The following TBC1D8 variants were observed in gnomAD, a reference collection of about 807,000 sequenced individuals.
TBC1D8 encodes the protein BUB2-like protein 1.
In TBC1D8, 65 loss-of-function variants were observed where a neutral mutation model predicts 118.8. The ratio of observed to expected loss-of-function variants is 0.55; its 90% CI spans 0.45 to 0.67. The LOEUF is 0.67. Among genes scored for constraint, TBC1D8 ranks in the 30% least tolerant of loss-of-function variants. The pLI is 0.00. For synonymous variants in TBC1D8, 566 were observed against 595.8 expected, an observed-to-expected ratio of 0.95 and a Z score of 0.73; for missense variants, 1,376 against 1,471.2, an observed-to-expected ratio of 0.94 and a Z score of 1.06.
At chr2:101,123,389 T>C (rs759892382) in intron 1 of TBC1D8, among the ~76,000 whole-genome samples, 1 of 152,160 alleles carries the variant, frequency 6.6e-6, no homozygotes, top group East Asian at 1.9e-4. Context: ...TTGTACATAG[T>C]GCAAATTAGC....
intron 1 of TBC1D8, among the ~76,000 whole-genome samples, chr2:101,098,929 A>G (rs1455819200): frequency 6.6e-6 from 1 of 152,094 alleles, no homozygotes; most frequent in East Asian, 1.9e-4. Context: ...TCAAATCAAT[A>G]CCCTAACATC....
At chr2:101,030,343 A>T (rs923129656) in intron 11 of TBC1D8, among the ~76,000 whole-genome samples, 1 of 152,228 alleles carries the variant, frequency 6.6e-6, no homozygotes, top group Admixed American at 6.5e-5. Context: ...GTAACAACCA[A>T]CCTTTTTTAA....
chr2:101,091,399 A>G (rs1676023969), intron 1 of TBC1D8, among the ~76,000 whole-genome samples: 1 of 152,124 alleles, frequency 6.6e-6, no homozygotes, highest in Non-Finnish European at 1.5e-5. Flanking sequence ...AATCAATGGC[A>G]GGCAAAACAA....
intron 1 of TBC1D8, among the ~76,000 whole-genome samples, chr2:101,096,506 A>G (rs1035558529): frequency 6.6e-6 from 1 of 151,766 alleles, no homozygotes; most frequent in Non-Finnish European, 1.5e-5. Flanking sequence ...AATGAAACTC[A>G]TATGACACAA....
chr2:101,076,488 A>G (rs116590372), intron 2 of TBC1D8, among the ~76,000 whole-genome samples: 12 of 152,328 alleles, frequency 7.9e-5, no homozygotes, highest in Non-Finnish European at 1.6e-4. Flanking sequence ...AAACAGCTGC[A>G]CCTACATTCA....
At chr2:101,140,747 A>G (rs1679064902) in intron 1 of TBC1D8, among the ~76,000 whole-genome samples, 1 of 146,990 alleles carries the variant, frequency 6.8e-6, no homozygotes, top group South Asian at 2.1e-4. Context: ...CAAATAACAC[A>G]TCTATATTAC....
intron 19 of TBC1D8, among the ~76,000 whole-genome samples, chr2:101,009,737 G>A (rs1013857983): frequency 1.3e-5 from 2 of 151,736 alleles, no homozygotes; most frequent in African/African-American, 4.8e-5. Flanking sequence ...AGAAAAAAAA[G>A]ACTGAGAAAC....
At chr2:101,149,115 T>C (rs1174378605) in intron 1 of TBC1D8, among the ~76,000 whole-genome samples, 1 of 152,188 alleles carries the variant, frequency 6.6e-6, no homozygotes, top group African/African-American at 2.4e-5. Context: ...ACATCAAGTG[T>C]CCTCTTTTTG....
chr2:101,079,680 GT>G (rs35466679), intron 2 of TBC1D8, among the ~76,000 whole-genome samples: 1,736 of 81,754 alleles, frequency 0.021, 14 homozygotes, highest in African/African-American at 0.077. Flanking sequence ...GTCCAGTCTG[GT>G]TTTTTTTTTT....
chr2:101,033,571 G>A lies in TBC1D8; in HGVS notation c.1791C>T (p.His597=). 1 of 1,613,908 alleles carries A rather than the reference G, an allele frequency of 6.2e-7. No homozygotes were observed. The highest frequency in any genetic ancestry group is 8.5e-7 in the Non-Finnish European group (1 of 1,179,880). ...ALRRVLTAYA[H]RNPKIGYCQS... is the part of the protein sequence containing the mutation. Reference sequence around the variant, plus strand: ...GGCAGTATCCAATCTTGGGGTTCCGGTGGGCATAGGCCGTCAAGACTCTCC... The same window carrying A: ...GGCAGTATCCAATCTTGGGGTTCCGATGGGCATAGGCCGTCAAGACTCTCC... The change falls in exon 10 of 20, where the codon CAC becomes CAT. Residue 597 remains histidine (H), a synonymous_variant. Transcript: ENST00000409318.
intron 5 of TBC1D8, among the ~76,000 whole-genome samples, chr2:101,045,564 T>C (rs1199622840): frequency 1.3e-5 from 2 of 152,200 alleles, no homozygotes; most frequent in Non-Finnish European, 2.9e-5. Flanking sequence ...GGACTTCCCA[T>C]GTGTGCACTA....
chr2:101,028,581 A>C lies in TBC1D8; in HGVS notation c.2223-149T>G. On this transcript the variant is annotated intron_variant, in intron 12 of 19. Coordinates refer to ENST00000409318, the MANE Select transcript of TBC1D8 (RefSeq NM_001330348.2). ...GCTGCAGCTGCTCGGCTTATTTTAGAGAAGCGAGAGGCAGTCATGAAGCCC... is the reference window on the plus strand; with the variant it reads ...GCTGCAGCTGCTCGGCTTATTTTAGCGAAGCGAGAGGCAGTCATGAAGCCC... The C allele has an allele frequency of 3.4e-6, 4 of 1,191,730 alleles. No individual in the cohort carries two copies. In the South Asian group the frequency reaches 7.9e-5, roughly 24 times the overall value. 73.8% of individuals were successfully genotyped at this position (1,191,730 alleles called of 1,614,324 possible).
intron 1 of TBC1D8, among the ~76,000 whole-genome samples, chr2:101,107,054 G>A (rs1255073663): frequency 1.3e-5 from 2 of 152,148 alleles, no homozygotes; most frequent in Non-Finnish European, 1.5e-5. Context: ...TAACCCCATC[G>A]TAAGCTAAGG....
intron 14 of TBC1D8, 28 bp from the exon 15 acceptor site, chr2:101,027,479 G>A (rs374622999): frequency 1.4e-5 from 23 of 1,607,606 alleles, no homozygotes; most frequent in African/African-American, 2.7e-5. Context: ...CAGCAATGGC[G>A]TGAAATCTAG....
chr2:101,045,091 T>C (rs928790208), intron 5 of TBC1D8, among the ~76,000 whole-genome samples: 11 of 152,122 alleles, frequency 7.2e-5, no homozygotes, highest in Admixed American at 1.3e-4. Flanking sequence ...AGGGAATAAA[T>C]GTGGGTCAAC....
intron 2 of TBC1D8, among the ~76,000 whole-genome samples, chr2:101,068,079 C>T (rs1183968355): frequency 6.6e-6 from 1 of 152,194 alleles, no homozygotes; most frequent in Non-Finnish European, 1.5e-5. Flanking sequence ...TCAGGCTCCA[C>T]TTCTAATTCC....
chr2:101,150,136 G>C (rs1459921785), intron 1 of TBC1D8, among the ~76,000 whole-genome samples: 3 of 152,126 alleles, frequency 2.0e-5, no homozygotes, highest in African/African-American at 4.8e-5. Context: ...GTTTCCAGGC[G>C]TGTTAGTACA....
chr2:101,085,037 G>C (rs1256396165), intron 2 of TBC1D8, among the ~76,000 whole-genome samples: 1 of 151,586 alleles, frequency 6.6e-6, no homozygotes, highest in Non-Finnish European at 1.5e-5. Context: ...TTTTTTAGTA[G>C]AGTCGGGGTT....
At position 101,028,142 on chromosome 2, in the gene TBC1D8, A is replaced by G. The variant is rs764248919; in HGVS notation, c.2357T>C (p.Phe786Ser). 5 of 1,613,754 alleles carry G rather than the reference A, an allele frequency of 3.1e-6. No individual in the cohort carries two copies. Among genetic ancestry groups the G allele is most frequent in the East Asian group, 4.5e-5 (2 of 44,866 alleles). Residue 786 changes from phenylalanine to serine, a missense_variant, in exon 14 of 20, where the codon TTT becomes TCT. Transcript: ENST00000409318. ...GATCTGCTCCACAGACTGGTCTCCA[A>G]ATTTCTGCAGGGAAAAAAGGGACCA... ...SDLIRDSYEK[F>S]GDQSVEQIEH...
Sources: allele counts gnomAD v4.1 joint callset (sites outside exome capture counted in the v4.1 genomes callset), GRCh38; gene constraint gnomAD v4.1.1; transcripts MANE v1.5; gene names NCBI Gene and HGNC (gene_info 2026-07-23, HGNC 2026-07-21).